Variants in PLEKHA8 observed in about 807,000 individuals in gnomAD.
PLEKHA8 encodes pleckstrin homology domain containing A8.
PLEKHA8 carries 36 observed loss-of-function variants against 68.2 expected under a neutral mutation model. The ratio of observed to expected loss-of-function variants is 0.53; its 90% CI spans 0.40 to 0.70. The LOEUF (loss-of-function observed/expected upper bound fraction) is 0.70. Among genes scored for constraint, PLEKHA8 ranks in the 30% least tolerant of loss-of-function variants. The pLI is 0.00. For missense variants in PLEKHA8, 505 were observed against 615.4 expected (o/e 0.82, Z 1.90); for synonymous variants, 211 against 216.1 (o/e 0.98, Z 0.20).
At position 30,060,838 on chromosome 7, in the gene PLEKHA8, A is replaced by G. The variant is rs1039784648; in HGVS notation, c.1040-46A>G. 2.0e-6 allele frequency: 3 copies of G among 1,475,666 alleles called. No individual in the cohort carries two copies. In the African/African-American group the frequency reaches 4.2e-5, roughly 21 times the overall value. The allele number at this position is 1,475,666 out of a possible 1,614,324, so 91.4% of individuals were successfully genotyped here. ...TTACTTTATTATAAAAAATATTGCC[A>G]CTTAAAAATTGCTTTTTCAGAAATG... On this transcript the variant is annotated intron_variant, in intron 9 of 13. Transcript: ENST00000449726.
intron 13 of PLEKHA8, among the ~76,000 whole-genome samples, chr7:30,110,527 T>A (rs1163202989): frequency 6.6e-6 from 1 of 152,246 alleles, no homozygotes; most frequent in East Asian, 1.9e-4. Flanking sequence ...TCTCTTGGTA[T>A]GTACCTAGGA....
intron 13 of PLEKHA8, among the ~76,000 whole-genome samples, chr7:30,121,627 T>TAA (rs35012989): frequency 2.2e-4 from 32 of 148,490 alleles, no homozygotes; most frequent in African/African-American, 7.2e-4. Flanking sequence ...AGACCCTGTC[T>TAA]AAAAAAAAAA....
chr7:30,109,586 CAAAAAA>C lies in PLEKHA8; in HGVS notation c.1363-19658_1363-19653del, dbSNP rs1166200858. Among the ~76,000 whole-genome samples the C allele has an allele frequency of 2.4e-4, 10 of 41,618 alleles. No homozygotes were observed. The East Asian group carries it at 4.0e-3, about 17-fold the overall frequency. 27.3% of individuals were successfully genotyped at this position (41,618 alleles called of 152,430 possible). A position where few individuals can be genotyped will look rare whatever the true frequency, so the allele number is the denominator to read the frequency against. On this transcript the variant is annotated intron_variant, in intron 13 of 13. Coordinates refer to the PLEKHA8 transcript ENST00000396257. The stretch of plus-strand genomic sequence containing the variant: ...CTGGGCAACGAGTGAAACTCTGTCT[CAAAAAA>C]AAAAAAAAAAAAAAAAAAAAAGAGA...
Position 30,042,428 on chromosome 7 carries a change from C to T in PLEKHA8, c.41-2657C>T, listed in dbSNP as rs372314087. On this transcript the variant is annotated intron_variant, in intron 1 of 13. Transcript: ENST00000449726. ...ATAAAATACAGTAATTGAGGCTGTT[C>T]TAAATGCCTTCTACACAAAAGTCAT... Among the ~76,000 whole-genome samples the T allele has an allele frequency of 7.2e-5, 11 of 152,310 alleles. No homozygotes were observed. The South Asian group carries it at 1.0e-3, about 14-fold the overall frequency.
rs373290362 is a variant in PLEKHA8, at chr7:30,055,354, G to A, written c.1039+12G>A. ...GGTTCCAGTATTAGGTAAGATTCCTGCAGTTGCCTTACATTCATTCATGTC... is the reference window on the plus strand; with the variant it reads ...GGTTCCAGTATTAGGTAAGATTCCTACAGTTGCCTTACATTCATTCATGTC... On this transcript the variant is annotated intron_variant, in intron 9 of 13. Coordinates refer to ENST00000449726, the MANE Select transcript of PLEKHA8 (RefSeq NM_001197026.2). 1.8e-5 allele frequency: 29 copies of A among 1,610,384 alleles called. No homozygotes were observed. Among genetic ancestry groups the A allele is most frequent in the Non-Finnish European group, 2.5e-5 (29 of 1,176,680 alleles).
At chr7:30,043,517 A>G (rs748951697) in intron 1 of PLEKHA8, among the ~76,000 whole-genome samples, 1 of 152,178 alleles carries the variant, frequency 6.6e-6, no homozygotes. Flanking sequence ...AAGTTCAGAT[A>G]TTATGGGAGA....
chr7:30,029,053 A>G (rs1790445363), intron 1 of PLEKHA8, among the ~76,000 whole-genome samples: 1 of 152,118 alleles, frequency 6.6e-6, no homozygotes, highest in Admixed American at 6.5e-5. Context: ...AAAGACTGAG[A>G]TTTTGGGTGA....
intron 9 of PLEKHA8, among the ~76,000 whole-genome samples, chr7:30,059,842 A>T (rs943160990): frequency 6.6e-6 from 1 of 152,224 alleles, no homozygotes; most frequent in Admixed American, 6.5e-5. Context: ...AATTTTAATT[A>T]TTTTAAAACC....
At chr7:30,106,344 A>G (rs1398511696) in intron 13 of PLEKHA8, among the ~76,000 whole-genome samples, 6 of 152,174 alleles carry the variant, frequency 3.9e-5, no homozygotes, top group Non-Finnish European at 7.4e-5. Context: ...GATTATAGAC[A>G]TGAGCCACCA....
At chr7:30,108,083 A>AAAAAAAAAAAAAAAAAAAC (rs780069387) in intron 13 of PLEKHA8, among the ~76,000 whole-genome samples, 15 of 144,554 alleles carry the variant, frequency 1.0e-4, no homozygotes, top group Non-Finnish European at 1.5e-4. Context: ...AAAAAAAAAA[A>AAAAAAAAAAAAAAAAAAAC]AAAAAAAAAC....
intron 13 of PLEKHA8, among the ~76,000 whole-genome samples, chr7:30,122,425 T>C (rs1796710166): frequency 6.6e-6 from 1 of 152,184 alleles, no homozygotes; most frequent in Admixed American, 6.5e-5. Context: ...AGTTGTTTTT[T>C]AAAAAATCAT....
In PLEKHA8 at chr7:30,062,700, A is replaced by T; in HGVS notation, c.1258A>T (p.Thr420Ser). The T allele has an allele frequency of 6.2e-7, 1 of 1,613,336 alleles. No homozygotes were observed. Among genetic ancestry groups the T allele is most frequent in the Non-Finnish European group, 8.5e-7 (1 of 1,179,378 alleles). The change falls in exon 12 of 14, where the codon ACA becomes TCA. Residue 420 changes from threonine (T) to serine (S), a missense_variant. By Grantham distance (58) the Thr-to-Ser change is moderately conservative (BLOSUM62 1). Transcript: ENST00000449726. The part of the protein sequence containing the change: ...RGLKFLKGFL[T>S]EVKNGEKDIQ... ...TCTCAAATTTTTGAAGGGATTTTTG[A>T]CAGAAGTGAAAAATGGGGAGAAGGA...
intron 1 of PLEKHA8, among the ~76,000 whole-genome samples, chr7:30,035,681 G>T (rs1791008746): frequency 6.6e-6 from 1 of 151,938 alleles, no homozygotes; most frequent in African/African-American, 2.4e-5. Flanking sequence ...GTGTTGCTCT[G>T]TCGCCCAGGC....
chr7:30,079,999 G>T lies in PLEKHA8; in HGVS notation c.*1212G>T. ...TTCATTCAGCAGCATTCTTAATTGA[G>T]CCAGCATTGACACCCAGCCAGCAGG... On this transcript the variant is annotated 3_prime_UTR_variant, in exon 14 of 14. Coordinates refer to ENST00000449726, the MANE Select transcript of PLEKHA8 (RefSeq NM_001197026.2). 1 of 984,834 alleles carries T rather than the reference G, an allele frequency of 1.0e-6. No individual in the cohort carries two copies. The highest frequency in any genetic ancestry group is 1.2e-6 in the Non-Finnish European group (1 of 829,864). The allele number at this position is 984,834 out of a possible 1,614,324, so 61.0% of individuals were successfully genotyped here.
intron 13 of PLEKHA8, among the ~76,000 whole-genome samples, chr7:30,114,186 A>G (rs1472886441): frequency 2.6e-5 from 4 of 152,178 alleles, no homozygotes; most frequent in African/African-American, 9.7e-5. Flanking sequence ...GGAGTGAGAC[A>G]CACCTGCCCT....
At chr7:30,053,576 AT>A (rs1249216025) in intron 7 of PLEKHA8, among the ~76,000 whole-genome samples, 1 of 152,232 alleles carries the variant, frequency 6.6e-6, no homozygotes, top group African/African-American at 2.4e-5. Context: ...CAATCCACAC[AT>A]CATTGGAGCC....
At chr7:30,096,256 G>A (rs2128008540) in intron 13 of PLEKHA8, among the ~76,000 whole-genome samples, 1 of 152,260 alleles carries the variant, frequency 6.6e-6, no homozygotes, top group Non-Finnish European at 1.5e-5. Context: ...TTGTAAGTTG[G>A]ATTCCTAGGT....
chr7:30,104,361 T>C (rs1260879091), intron 13 of PLEKHA8, among the ~76,000 whole-genome samples: 1 of 152,226 alleles, frequency 6.6e-6, no homozygotes, highest in Non-Finnish European at 1.5e-5. Flanking sequence ...ATAGCCCCAA[T>C]GACCCATCTT....
intron 13 of PLEKHA8, among the ~76,000 whole-genome samples, chr7:30,077,468 G>A (rs1029869841): frequency 3.3e-5 from 5 of 152,134 alleles, no homozygotes; most frequent in Non-Finnish European, 5.9e-5. Flanking sequence ...GTGCCAGGCA[G>A]TGGGCTAAAC....
Sources: gnomAD v4.1 joint callset for allele counts (sites outside exome capture counted in the v4.1 genomes callset) on GRCh38, gnomAD v4.1.1 for gene constraint, MANE v1.5 for transcripts, NCBI Gene and HGNC (gene_info 2026-07-23, HGNC 2026-07-21) for gene names.